Variants in SDK1 observed in about 807,000 individuals in gnomAD.
The protein encoded by SDK1 is protein sidekick-1.
Under a neutral mutation model 245.5 loss-of-function variants are expected in SDK1, and 157 were observed. The ratio of observed to expected loss-of-function variants is 0.64; its 90% CI spans 0.56 to 0.73. SDK1 has a LOEUF of 0.73. SDK1 is among the 30% of genes least tolerant of loss of function. The pLI is 0.00. For missense variants in SDK1, 3,583 were observed against 3,002.3 expected (o/e 1.19, Z -4.52); for synonymous variants, 1,647 against 1,278.5 (o/e 1.29, Z -6.15).
intron 5 of SDK1, among the ~76,000 whole-genome samples, chr7:3,845,066 A>T (rs532884742): frequency 6.6e-6 from 1 of 152,194 alleles, no homozygotes; most frequent in Non-Finnish European, 1.5e-5. Flanking sequence ...TCAGCTGCCC[A>T]AAGGTGCAGC....
chr7:3,921,007 A>G (rs1360542035), intron 5 of SDK1, among the ~76,000 whole-genome samples: 1 of 152,344 alleles, frequency 6.6e-6, no homozygotes, highest in South Asian at 2.1e-4. Context: ...CAAGTTTGCA[A>G]TTCCTAGAGT....
chr7:3,805,194 C>G (rs12701170), intron 4 of SDK1, among the ~76,000 whole-genome samples: 14,393 of 152,208 alleles, frequency 0.095, 1,124 homozygotes, highest in African/African-American at 0.22. Context: ...CTAAAAAATA[C>G]AGTTGTTTTT....
chr7:3,988,396 G>A (rs1459937413), intron 14 of SDK1, among the ~76,000 whole-genome samples: 1 of 151,842 alleles, frequency 6.6e-6, no homozygotes, highest in Non-Finnish European at 1.5e-5. Context: ...AGCCGGCCCT[G>A]TTTCCTCATC....
At chr7:3,791,162 CAACAA>C (rs1176000464) in intron 4 of SDK1, among the ~76,000 whole-genome samples, 1 of 148,730 alleles carries the variant, frequency 6.7e-6, no homozygotes, top group African/African-American at 2.5e-5. Flanking sequence ...AGTTTAAAAA[CAACAA>C]AAAAAAAAAC....
At chr7:3,382,625 A>G (rs972859555) in intron 1 of SDK1, among the ~76,000 whole-genome samples, 2 of 152,176 alleles carry the variant, frequency 1.3e-5, no homozygotes, top group African/African-American at 4.8e-5. Flanking sequence ...TTAAAAAATC[A>G]TGTTTTTGAA....
chr7:4,267,328 C>CTG lies in SDK1; in HGVS notation c.*1945_*1946insGT. ...CTTCTTTCCCTCCCTCCCTTCCTCT[C>CTG]TCCCCTATTCCTTCTTCCTTTTCTC... On this transcript the variant is annotated 3_prime_UTR_variant, in exon 45 of 45. Transcript: ENST00000404826. 1.1e-6 allele frequency: 1 copy of CTG among 893,066 alleles called. No homozygotes were observed. The highest frequency in any genetic ancestry group is 1.3e-6 in the Non-Finnish European group (1 of 748,436). The allele number at this position is 893,066 out of a possible 1,614,324, so 55.3% of individuals were successfully genotyped here. A position where few individuals can be genotyped will look rare whatever the true frequency, so the allele number is the denominator to read the frequency against.
intron 1 of SDK1, among the ~76,000 whole-genome samples, chr7:3,309,870 T>A (rs1428257821): frequency 6.6e-6 from 1 of 152,254 alleles, no homozygotes; most frequent in Non-Finnish European, 1.5e-5. Flanking sequence ...CTAAGCGTGC[T>A]GTCTTGGCTC....
Position 3,435,480 on chromosome 7 carries a change from A to C in SDK1, c.298+133596A>C, listed in dbSNP as rs1460156288. Among the ~76,000 whole-genome samples, 4 of 150,896 alleles carry C rather than the reference A, an allele frequency of 2.7e-5. No individual in the cohort carries two copies. The South Asian group carries it at 6.3e-4, about 24-fold the overall frequency. ...TGAGTAGCTGGGACTACAGGCACAG[A>C]CAGTCACGCCCAGCTAATTATTATG... is the stretch of plus-strand genomic sequence containing the variant. On this transcript the variant is annotated intron_variant, in intron 1 of 44. Coordinates refer to ENST00000404826, the MANE Select transcript of SDK1 (RefSeq NM_152744.4).
chr7:3,634,897 A>C (rs1782406809), intron 2 of SDK1, among the ~76,000 whole-genome samples: 1 of 152,270 alleles, frequency 6.6e-6, no homozygotes, highest in African/African-American at 2.4e-5. Context: ...AATTCATAAG[A>C]ATTTAAGACC....
intron 2 of SDK1, among the ~76,000 whole-genome samples, chr7:3,622,507 G>A (rs1781973149): frequency 6.6e-6 from 1 of 152,100 alleles, no homozygotes; most frequent in South Asian, 2.1e-4. Flanking sequence ...AAAAAATGGT[G>A]TAACGGCTTT....
At chr7:3,895,413 G>A (rs2107969) in intron 5 of SDK1, among the ~76,000 whole-genome samples, 49,027 of 152,088 alleles carry the variant, frequency 0.32, 9,683 homozygotes, top group East Asian at 0.56. Flanking sequence ...TGTAGTGGAC[G>A]TCTGCTAAGT....
At chr7:4,128,434 C>G (rs73048327) in intron 26 of SDK1, among the ~76,000 whole-genome samples, 4,407 of 152,290 alleles carry the variant, frequency 0.029, 96 homozygotes, top group Admixed American at 0.041. Flanking sequence ...GTGCTATTTT[C>G]AAACACCTCC....
intron 1 of SDK1, among the ~76,000 whole-genome samples, chr7:3,552,556 A>G (rs1779452258): frequency 6.6e-6 from 1 of 152,126 alleles, no homozygotes; most frequent in African/African-American, 2.4e-5. Context: ...CCTTGGAAAT[A>G]ATTATTTTCA....
chr7:4,266,879 C>G lies in SDK1; in HGVS notation c.*1495C>G, dbSNP rs531850132. 2 of 985,434 alleles carry G rather than the reference C, an allele frequency of 2.0e-6. No individual in the cohort carries two copies. The highest frequency in any genetic ancestry group is 2.3e-4 in the East Asian group (2 of 8,822). 61.0% of individuals were successfully genotyped at this position (985,434 alleles called of 1,614,324 possible). ...CACCCTGTCAGTGCCCCCCAGTGCA[C>G]GGCAAACGGGCAGGTGCCGTTCCCC... On this transcript the variant is annotated 3_prime_UTR_variant, in exon 45 of 45. Coordinates refer to ENST00000404826, the MANE Select transcript of SDK1 (RefSeq NM_152744.4).
chr7:4,226,225 T>C (rs959839985), intron 40 of SDK1, among the ~76,000 whole-genome samples: 1 of 152,160 alleles, frequency 6.6e-6, no homozygotes, highest in Admixed American at 6.5e-5. Flanking sequence ...CCGTTTTGTA[T>C]TGGGAGGGGC....
intron 5 of SDK1, among the ~76,000 whole-genome samples, chr7:3,823,336 C>T (rs1398447007): frequency 1.3e-5 from 2 of 151,966 alleles, no homozygotes; most frequent in Non-Finnish European, 2.9e-5. Context: ...ATATAACTAC[C>T]AGGATAATAA....
At chr7:4,045,897 G>C (rs1788986437) in intron 17 of SDK1, among the ~76,000 whole-genome samples, 2 of 151,914 alleles carry the variant, frequency 1.3e-5, no homozygotes, top group Admixed American at 1.3e-4. Flanking sequence ...TACATTTTTG[G>C]TTTTCTTACA....
chr7:3,899,238 C>G (rs560921124), intron 5 of SDK1, among the ~76,000 whole-genome samples: 1 of 152,334 alleles, frequency 6.6e-6, no homozygotes, highest in African/African-American at 2.4e-5. Flanking sequence ...GTATCACCCT[C>G]AGTCTCCCTA....
intron 5 of SDK1, among the ~76,000 whole-genome samples, chr7:3,878,229 A>G (rs1781120460): frequency 6.6e-6 from 1 of 152,226 alleles, no homozygotes; most frequent in Non-Finnish European, 1.5e-5. Flanking sequence ...AAAAATAAAT[A>G]AAGGCTTTTG....
Sources: gnomAD v4.1 joint callset for allele counts (sites outside exome capture counted in the v4.1 genomes callset) on GRCh38, gnomAD v4.1.1 for gene constraint, MANE v1.5 for transcripts, NCBI Gene and HGNC (gene_info 2026-07-23, HGNC 2026-07-21) for gene names.